Variants in KIAA1671 observed in about 807,000 individuals in gnomAD.
The protein encoded by KIAA1671 is KIAA1671.
KIAA1671 carries 52 observed loss-of-function variants against 131.2 expected under a neutral mutation model. That is an observed-to-expected ratio of 0.40 (90% CI 0.32 to 0.50). The LOEUF (loss-of-function observed/expected upper bound fraction) is 0.50. Among genes scored for constraint, KIAA1671 ranks in the 20% least tolerant of loss-of-function variants. The pLI is 0.73. For missense variants in KIAA1671, 2,360 were observed against 2,364.2 expected, an observed-to-expected ratio of 1.00 and a Z score of 0.04; for synonymous variants, 1,003 against 961.6, an observed-to-expected ratio of 1.04 and a Z score of -0.80.
chr22:25,125,891 C>T (rs1932159090), intron 6 of KIAA1671, among the ~76,000 whole-genome samples: 1 of 152,140 alleles, frequency 6.6e-6, no homozygotes, highest in Admixed American at 6.5e-5. Context: ...TTTGGAATAC[C>T]CTTTTAGGTA....
chr22:25,105,727 C>T (rs1480852074), intron 6 of KIAA1671, among the ~76,000 whole-genome samples: 2 of 151,842 alleles, frequency 1.3e-5, no homozygotes, highest in African/African-American at 4.8e-5. Context: ...ATGATCCCAC[C>T]TGCCATTTGG....
At chr22:24,999,220 A>G (rs1924303537) in intron 1 of KIAA1671, among the ~76,000 whole-genome samples, 1 of 152,118 alleles carries the variant, frequency 6.6e-6, no homozygotes, top group South Asian at 2.1e-4. Context: ...TATAATCAAT[A>G]TAGTGTATAG....
At chr22:25,079,031 G>A (rs977838851) in intron 6 of KIAA1671, among the ~76,000 whole-genome samples, 2 of 152,088 alleles carry the variant, frequency 1.3e-5, no homozygotes, top group African/African-American at 4.8e-5. Flanking sequence ...CAACTTCCTC[G>A]TGGGTTGGCC....
chr22:24,991,598 A>G (rs1031263212), intron 1 of KIAA1671, among the ~76,000 whole-genome samples: 1 of 149,564 alleles, frequency 6.7e-6, no homozygotes, highest in Non-Finnish European at 1.5e-5. Flanking sequence ...CTGGGACTAC[A>G]GGCACGTGCC....
chr22:25,186,610 A>G (rs1441908342), intron 11 of KIAA1671, among the ~76,000 whole-genome samples: 1 of 152,198 alleles, frequency 6.6e-6, no homozygotes, highest in Admixed American at 6.5e-5. Flanking sequence ...ATTAAAAAAA[A>G]GAAGCTTCCA....
At chr22:25,148,517 G>A (rs1039548617) in intron 6 of KIAA1671, among the ~76,000 whole-genome samples, 1 of 152,240 alleles carries the variant, frequency 6.6e-6, no homozygotes, top group African/African-American at 2.4e-5. Context: ...GTTCACAGCA[G>A]TGGGCAACTG....
At chr22:25,121,329 G>A (rs1931932881) in intron 6 of KIAA1671, among the ~76,000 whole-genome samples, 1 of 152,110 alleles carries the variant, frequency 6.6e-6, no homozygotes, top group Non-Finnish European at 1.5e-5. Context: ...GGGCAAGGTG[G>A]TGGGCGCCTG....
chr22:25,074,398 G>A (rs1928986118), intron 6 of KIAA1671, among the ~76,000 whole-genome samples: 6 of 150,364 alleles, frequency 4.0e-5, no homozygotes, highest in Admixed American at 4.0e-4. Context: ...CCAGCTACTC[G>A]GGAGGCTGAG....
intron 6 of KIAA1671, chr22:25,060,942 C>T (rs9620481): frequency 0.15 from 23,271 of 152,166 alleles, 1,936 homozygotes; most frequent in African/African-American, 0.2. Context: ...CCACTAATTT[C>T]GGTAGATGTG....
chr22:25,019,950 A>C (rs1925572518), intron 1 of KIAA1671, among the ~76,000 whole-genome samples: 1 of 152,196 alleles, frequency 6.6e-6, no homozygotes, highest in Admixed American at 6.5e-5. Flanking sequence ...GGGTTGTTTC[A>C]ACTAGGTGTT....
intron 1 of KIAA1671, among the ~76,000 whole-genome samples, chr22:24,966,096 T>A (rs192872730): frequency 1.3e-5 from 2 of 152,340 alleles, no homozygotes; most frequent in Admixed American, 1.3e-4. Flanking sequence ...TTGTTATTAA[T>A]ACACGAGAAT....
chr22:25,158,744 C>G (rs1933331092), intron 6 of KIAA1671, among the ~76,000 whole-genome samples: 1 of 152,142 alleles, frequency 6.6e-6, no homozygotes, highest in Non-Finnish European at 1.5e-5. Flanking sequence ...TCTTCTCATG[C>G]AGAAAGTGGG....
rs1291364930 is a variant in KIAA1671, at chr22:25,069,277, G to A, written c.4530+19913G>A. Among the ~76,000 whole-genome samples the A allele has an allele frequency of 2.0e-5, 3 of 152,152 alleles. No individual in the cohort carries two copies. In the South Asian group the frequency reaches 6.2e-4, roughly 32 times the overall value. On this transcript the variant is annotated intron_variant, in intron 6 of 12. Coordinates refer to ENST00000358431, the MANE Select transcript of KIAA1671 (RefSeq NM_001145206.2). ...GCCCTGAACACAGGGATAATTTGTC[G>A]CATTTTACAGAAGGGGTAACTGAGG...
intron 1 of KIAA1671, among the ~76,000 whole-genome samples, chr22:24,968,272 A>G (rs1365697328): frequency 6.6e-6 from 1 of 152,100 alleles, no homozygotes; most frequent in Non-Finnish European, 1.5e-5. Flanking sequence ...ATGCTGGCTG[A>G]CCTAGCAGAG....
At chr22:25,056,279 A>C (rs1001798719) in intron 6 of KIAA1671, 2 of 148,650 alleles carry the variant, frequency 1.3e-5, no homozygotes, top group African/African-American at 2.4e-5. Context: ...TCTTTGATGC[A>C]CAAAATTTAT....
rs1344915337 is a variant in KIAA1671 at position 25,040,205 on chromosome 22, G to T, written c.3075G>T (p.Ala1025=). 6.4e-7 allele frequency: 1 copy of T among 1,551,674 alleles called. No homozygotes were observed. Reference sequence around the variant, plus strand: ...AAGGGTCACCTGTGGAACCCAAGGCGACATTTTTTGCAGTCACCTATCAGA... The same window carrying T: ...AAGGGTCACCTGTGGAACCCAAGGCTACATTTTTTGCAGTCACCTATCAGA... ...VKQGSPVEPK[A]TFFAVTYQIP... is the part of the protein sequence containing the mutation. Residue 1025 remains alanine (A), a synonymous_variant, in exon 5 of 13, where the codon GCG becomes GCT. Transcript: ENST00000358431.
At chr22:25,168,053 G>T (rs1054140522) in intron 6 of KIAA1671, among the ~76,000 whole-genome samples, 1 of 152,144 alleles carries the variant, frequency 6.6e-6, no homozygotes, top group African/African-American at 2.4e-5. Context: ...CATTCTGCAG[G>T]ACCACATGGA....
intron 6 of KIAA1671, among the ~76,000 whole-genome samples, chr22:25,073,095 G>A (rs1928913529): frequency 6.6e-6 from 1 of 152,090 alleles, no homozygotes; most frequent in African/African-American, 2.4e-5. Context: ...TAGAGATAGG[G>A]TCTCACTCTG....
chr22:25,190,912 A>C (rs1934652943), intron 12 of KIAA1671, 128 bp downstream of exon 12: 215 of 541,498 alleles, frequency 4.0e-4, no homozygotes, highest in East Asian at 6.4e-4. Context: ...AAGGGGAAGA[A>C]TGAGGGGTGG....
Sources: allele counts gnomAD v4.1 joint callset (sites outside exome capture counted in the v4.1 genomes callset), GRCh38; gene constraint gnomAD v4.1.1; transcripts MANE v1.5; gene names NCBI Gene and HGNC (gene_info 2026-07-23, HGNC 2026-07-21).